Variants in ASPSCR1 observed in about 807,000 individuals in gnomAD.
The protein encoded by ASPSCR1 is tether containing UBX domain for GLUT4.
In ASPSCR1, 55 loss-of-function variants were observed where a neutral mutation model predicts 68.9. That is an observed-to-expected ratio of 0.80 (90% CI 0.64 to 1.00). ASPSCR1 has a LOEUF of 1.00. Among genes scored for constraint, ASPSCR1 ranks in the 50% least tolerant of loss-of-function variants. The pLI, the probability that ASPSCR1 is intolerant of heterozygous loss-of-function variation, is 0.00. For synonymous variants in ASPSCR1, 352 were observed against 332.6 expected, an observed-to-expected ratio of 1.06 and a Z score of -0.63; for missense variants, 765 against 762.2, an observed-to-expected ratio of 1.00 and a Z score of -0.04.
Position 82,016,936 on chromosome 17 carries a change from C to G in ASPSCR1, c.1476-5C>G, listed in dbSNP as rs1308151817. 3 of 1,610,958 alleles carry G rather than the reference C, an allele frequency of 1.9e-6. No individual in the cohort carries two copies. The highest frequency in any genetic ancestry group is 1.7e-5 in the Admixed American group (1 of 59,980). On this transcript the variant is annotated splice_polypyrimidine_tract_variant and splice_region_variant and intron_variant, in intron 14 of 15. Transcript: ENST00000306739. ...TCACCACTCTGTGTCTTCGCCTCCC[C>G]ACAGGTACATGTCCAGGGCCGCCGG...
At chr17:81,995,764 G>T (rs2042314914) in intron 5 of ASPSCR1, among the ~76,000 whole-genome samples, 1 of 152,230 alleles carries the variant, frequency 6.6e-6, no homozygotes, top group South Asian at 2.1e-4. Context: ...CAGGCTGGGG[G>T]AGACACGGTC....
At chr17:81,979,266 G>C in intron 2 of ASPSCR1, 27 bp downstream of exon 2, 2 of 1,609,778 alleles carry the variant, frequency 1.2e-6, no homozygotes, top group Non-Finnish European at 1.7e-6. Flanking sequence ...TCAGCAGCAG[G>C]GTCTGAGTAT....
At position 81,996,586 on chromosome 17, in the gene ASPSCR1, T is replaced by TG. The variant is rs2042349852; in HGVS notation, c.674dup (p.Cys225TrpfsTer44). 6.2e-7 allele frequency: 1 copy of TG among 1,611,784 alleles called. No individual in the cohort carries two copies. The highest frequency in any genetic ancestry group is 1.3e-5 in the African/African-American group (1 of 74,950). ...GGACGCGGACACCTCAGGGCCCTGC[T>TG]GCGAGCACACTCAGGAGAAGCAGAG... On this transcript the variant is annotated frameshift_variant, in exon 7 of 16. Coordinates refer to ENST00000306739, the MANE Select transcript of ASPSCR1 (RefSeq NM_024083.4). LOFTEE classifies it high-confidence loss of function.
At position 82,014,785 on chromosome 17, in the gene ASPSCR1, G is replaced by A. The variant is rs555717770; in HGVS notation, c.1354-1691G>A. On this transcript the variant is annotated intron_variant, in intron 12 of 15. Coordinates refer to ENST00000306739, the MANE Select transcript of ASPSCR1 (RefSeq NM_024083.4). ...GGGCCTCCTTTCGGAAGCTCTTCCT[G>A]GCAACACTGAGTGGGGCAAGGGGTT... 61 of 501,612 alleles carry A rather than the reference G, an allele frequency of 1.2e-4. 2 individuals are homozygous for A. The South Asian group carries it at 1.4e-3, about 11-fold the overall frequency. The allele number at this position is 501,612 out of a possible 1,614,324, so 31.1% of individuals were successfully genotyped here.
In ASPSCR1 at chr17:81,996,517, T is replaced by G. The variant is rs780191032; in HGVS notation, c.604T>G (p.Leu202Val). 6.2e-7 allele frequency: 1 copy of G among 1,612,730 alleles called. No individual in the cohort carries two copies. Among genetic ancestry groups the G allele is most frequent in the Non-Finnish European group, 8.5e-7 (1 of 1,179,676 alleles). The part of the protein sequence containing the change: ...GQAAASAPLP[L>V]ESGELSRGDL... ...GGCAGCCGCCAGCGCTCCACTTCCC[T>G]TGGAATCTGGGGAGCTCAGCCGCGG... The change falls in exon 7 of 16, where the codon TTG (leucine) becomes GTG (valine). Residue 202 changes from leucine to valine, a missense_variant. Transcript: ENST00000306739.
chr17:82,017,054 G>C lies in ASPSCR1; in HGVS notation c.1589G>C (p.Gly530Ala), dbSNP rs189288473. The C allele has an allele frequency of 4.3e-6, 7 of 1,611,006 alleles. No individual in the cohort carries two copies. The South Asian group carries it at 7.7e-5, about 18-fold the overall frequency. ...CTGGTCCCCCCTGAGCCCATCCCAG[G>C]GACGGCCCAGCCCGTGAAGAGGAGC... ...GALVPPEPIPGTAQPVKRSLG... is the reference protein window; with the variant it reads ...GALVPPEPIPATAQPVKRSLG... Residue 530 changes from glycine to alanine, a missense_variant, in exon 15 of 16, where the codon GGG (glycine) becomes GCG (alanine). Transcript: ENST00000306739.
chr17:81,987,588 G>C lies in ASPSCR1; in HGVS notation c.374+1981G>C, dbSNP rs2042037827. On this transcript the variant is annotated intron_variant, in intron 4 of 15. Coordinates refer to ENST00000306739, the MANE Select transcript of ASPSCR1 (RefSeq NM_024083.4). This position sits in a 1 kb window ranked among gnomAD's most constrained non-coding sequence, Gnocchi z 5.6. Reference sequence around the variant, plus strand: ...CCCAGAGTGGCCTGGGGCTGCCACTGGGGAGGGGCCGAGGGTGTCTGGAGA... The same window carrying C: ...CCCAGAGTGGCCTGGGGCTGCCACTCGGGAGGGGCCGAGGGTGTCTGGAGA... 6.6e-6 allele frequency among the ~76,000 whole-genome samples: 1 copy of C among 152,196 alleles called. No individual in the cohort carries two copies. Among genetic ancestry groups the C allele is most frequent in the Non-Finnish European group, 1.5e-5 (1 of 68,018 alleles).
rs148225721 is a variant in ASPSCR1, at chr17:82,017,028, G to A, written c.1563G>A (p.Ala521=). 135 of 1,612,292 alleles carry A rather than the reference G, an allele frequency of 8.4e-5. No individual in the cohort carries two copies. The East Asian group carries it at 1.2e-3, about 15-fold the overall frequency. The change falls in exon 15 of 16, where the codon GCG becomes GCA. Residue 521 remains alanine (A), a synonymous_variant. Transcript: ENST00000306739. ...CTGAGCCAGCTGCTGAGGAGGGGGC[G>A]CTGGTCCCCCCTGAGCCCATCCCAG... ...PKSEPAAEEG[A]LVPPEPIPGT... is the part of the protein sequence containing the mutation.
chr17:82,011,446 A>C, intron 10 of ASPSCR1, 97 bp from the exon 11 acceptor site: 1 of 1,165,942 alleles, frequency 8.6e-7, no homozygotes, highest in Non-Finnish European at 1.2e-6. Flanking sequence ...CCCTCGGGGA[A>C]AGGCCCAGGA....
intron 5 of ASPSCR1, chr17:81,995,414 G>C (rs2042304485): frequency 4.6e-6 from 1 of 215,400 alleles, no homozygotes; most frequent in East Asian, 1.2e-4. Flanking sequence ...GAGGGGATGA[G>C]CCACGGGGCT....
rs889276392 is a variant in ASPSCR1 at position 82,012,357 on chromosome 17, G to A, written c.1353+74G>A. 3.1e-5 allele frequency: 47 copies of A among 1,517,928 alleles called. No individual in the cohort carries two copies. In the African/African-American group the frequency reaches 4.4e-4, roughly 14 times the overall value. 94.0% of individuals were successfully genotyped at this position (1,517,928 alleles called of 1,614,324 possible). A position where few individuals can be genotyped will look rare whatever the true frequency, so the allele number is the denominator to read the frequency against. ...GGGCAGGACGAGAGCGTGAGGCCTC[G>A]GGCAGGAAGGAGGGGCCTGGCAGGC... On this transcript the variant is annotated intron_variant, in intron 12 of 15. Coordinates refer to ENST00000306739, the MANE Select transcript of ASPSCR1 (RefSeq NM_024083.4).
Position 81,983,733 on chromosome 17 carries a change from G to A in ASPSCR1, c.273+65G>A. 1 of 1,382,890 alleles carries A rather than the reference G, an allele frequency of 7.2e-7. No individual in the cohort carries two copies. The highest frequency in any genetic ancestry group is 1.2e-5 in the South Asian group (1 of 81,956). 85.7% of individuals were successfully genotyped at this position (1,382,890 alleles called of 1,614,324 possible). A position where few individuals can be genotyped will look rare whatever the true frequency, so the allele number is the denominator to read the frequency against. ...AGGATCGTTCAGCTGGCCAGGGACGGGGGACGGGACAGTGGGGGGTGCTGG... is the reference window on the plus strand; with the variant it reads ...AGGATCGTTCAGCTGGCCAGGGACGAGGGACGGGACAGTGGGGGGTGCTGG... On this transcript the variant is annotated intron_variant, in intron 3 of 15. Transcript: ENST00000306739. The surrounding 1 kb of genome is among the most constrained non-coding windows in gnomAD (Gnocchi z 4.4).
intron 12 of ASPSCR1, 179 bp from the exon 13 acceptor site, chr17:82,016,297 T>G (rs947348235): frequency 3.2e-6 from 2 of 615,556 alleles, no homozygotes; most frequent in Non-Finnish European, 5.6e-6. Flanking sequence ...CGCCCTGGCC[T>G]TGCTTACAGG....
intron 9 of ASPSCR1, chr17:82,009,847 C>T (rs2042859833): frequency 2.8e-6 from 1 of 358,320 alleles, no homozygotes. Context: ...GAGCAGGGCC[C>T]CCCCGTGGTG....
chr17:81,984,561 C>G (rs2041901642), intron 3 of ASPSCR1, among the ~76,000 whole-genome samples: 1 of 149,020 alleles, frequency 6.7e-6, no homozygotes, highest in African/African-American at 2.5e-5. Context: ...GCCTGGGCGA[C>G]AGAGTGAGAC....
intron 4 of ASPSCR1, among the ~76,000 whole-genome samples, chr17:81,992,827 G>T (rs1314044405): frequency 6.6e-6 from 1 of 152,248 alleles, no homozygotes. Context: ...GGAGCTTAGG[G>T]AGTGTGTCCC....
chr17:82,015,636 A>T, intron 12 of ASPSCR1: 2 of 514,088 alleles, frequency 3.9e-6, no homozygotes, highest in Non-Finnish European at 3.5e-6. Context: ...TGCCCACAGC[A>T]GCCTCTGGGC....
At chr17:81,995,760 G>A (rs972405288) in intron 5 of ASPSCR1, among the ~76,000 whole-genome samples, 3 of 152,234 alleles carry the variant, frequency 2.0e-5, no homozygotes, top group Non-Finnish European at 4.4e-5. Flanking sequence ...AGACCAGGCT[G>A]GGGGAGACAC....
intron 7 of ASPSCR1, chr17:82,008,380 G>C (rs930741309): frequency 1.3e-5 from 2 of 152,436 alleles, no homozygotes; most frequent in African/African-American, 4.8e-5. Flanking sequence ...GCTGTTCTGT[G>C]TGAGGGGGGA....
Sources: allele counts gnomAD v4.1 joint callset (sites outside exome capture counted in the v4.1 genomes callset), GRCh38; gene constraint gnomAD v4.1.1; non-coding constraint Gnocchi (gnomAD v3.1); transcripts MANE v1.5; gene names NCBI Gene and HGNC (gene_info 2026-07-23, HGNC 2026-07-21).